The following ATCAY variants were observed in gnomAD, a reference collection of about 807,000 sequenced individuals.
ATCAY encodes caytaxin.
Under a neutral mutation model 47.7 loss-of-function variants are expected in ATCAY, and 22 were observed. The observed-to-expected ratio is 0.46, with a 90% CI of 0.33 to 0.66. ATCAY has a LOEUF of 0.66. Ranked by LOEUF, ATCAY falls within the 30% of genes least tolerant of loss-of-function variation. The pLI is 0.02. For synonymous variants in ATCAY, 216 were observed against 207.6 expected, an observed-to-expected ratio of 1.04 and a Z score of -0.35; for missense variants, 452 against 515.0, an observed-to-expected ratio of 0.88 and a Z score of 1.18.
At chr19:3,921,902 AAAAAAAC>A (rs1161878458) in intron 12 of ATCAY, among the ~76,000 whole-genome samples, 9 of 147,860 alleles carry the variant, frequency 6.1e-5, no homozygotes, top group South Asian at 4.2e-4. Context: ...GTTTAAAAAA[AAAAAAAC>A]AAAAAAACAA....
intron 8 of ATCAY, among the ~76,000 whole-genome samples, chr19:3,912,615 C>A (rs2038933216): frequency 6.6e-6 from 1 of 152,054 alleles, no homozygotes; most frequent in African/African-American, 2.4e-5. Flanking sequence ...TGTGGTGACC[C>A]AGGCTTGTAA....
intron 2 of ATCAY, among the ~76,000 whole-genome samples, chr19:3,892,779 G>T (rs555236373): frequency 6.6e-6 from 1 of 151,916 alleles, no homozygotes; most frequent in Non-Finnish European, 1.5e-5. Context: ...GTGGTGGCGG[G>T]CACCTGTAAT....
chr19:3,921,667 G>T (rs1378772132), intron 12 of ATCAY, among the ~76,000 whole-genome samples: 1 of 152,090 alleles, frequency 6.6e-6, no homozygotes, highest in Admixed American at 6.6e-5. Context: ...GGAGGCCGAG[G>T]CAGGTGGATC....
chr19:3,909,383 C>T (rs2038902397), intron 6 of ATCAY, 103 bp from the exon 7 acceptor site: 1 of 1,410,190 alleles, frequency 7.1e-7, no homozygotes, highest in East Asian at 2.3e-5. Flanking sequence ...GTGGGGCTGA[C>T]CCAGCCAGCG....
chr19:3,913,260 C>T lies in ATCAY; in HGVS notation c.867-498C>T, dbSNP rs188083378. 3.3e-5 allele frequency among the ~76,000 whole-genome samples: 5 copies of T among 152,280 alleles called. No homozygotes were observed. The East Asian group carries it at 7.7e-4, about 23-fold the overall frequency. On this transcript the variant is annotated intron_variant, in intron 8 of 12. Transcript: ENST00000450849. ...CCGAGATCACACCACTGCACTCCAG[C>T]CTGGGTGAAGAGCAAGACTCTGTGT...
intron 5 of ATCAY, 100 bp from the exon 6 acceptor site, chr19:3,908,168 T>A (rs2038882290): frequency 8.8e-7 from 1 of 1,131,468 alleles, no homozygotes; most frequent in African/African-American, 1.5e-5. Context: ...AGCCATGCCC[T>A]CCCGAGCGTG....
Position 3,911,270 on chromosome 19 carries a change from G to A in ATCAY, c.866+381G>A, listed in dbSNP as rs561947918. 1.3e-4 allele frequency among the ~76,000 whole-genome samples: 20 copies of A among 152,274 alleles called. No individual in the cohort carries two copies. In the South Asian group the frequency reaches 3.5e-3, roughly 27 times the overall value. ...AGTTTCAGCTACTTGGGAGGCTCAC[G>A]TGGGAGGATGGCTTGAGCCCAGGAG... is the stretch of plus-strand genomic sequence containing the variant. On this transcript the variant is annotated intron_variant, in intron 8 of 12. Transcript: ENST00000450849.
intron 2 of ATCAY, among the ~76,000 whole-genome samples, chr19:3,898,068 C>T (rs577486029): frequency 5.9e-5 from 9 of 152,236 alleles, no homozygotes; most frequent in East Asian, 1.9e-4. Flanking sequence ...TTTTCATCAC[C>T]GTGAGAGGAA....
At chr19:3,896,926 G>A (rs181038900) in intron 2 of ATCAY, among the ~76,000 whole-genome samples, 4 of 152,030 alleles carry the variant, frequency 2.6e-5, no homozygotes, top group East Asian at 1.9e-4. Flanking sequence ...ACAGGCGCCC[G>A]CCACCATGCC....
rs551056395 is a variant in ATCAY at position 3,914,015 on chromosome 19, T to A, written c.965+159T>A. Among the ~76,000 whole-genome samples, 24 of 151,800 alleles carry A rather than the reference T, an allele frequency of 1.6e-4. No individual in the cohort carries two copies. The South Asian group carries it at 4.8e-3, about 30-fold the overall frequency. On this transcript the variant is annotated intron_variant, in intron 9 of 12. Transcript: ENST00000450849. Reference sequence around the variant, plus strand: ...ACTTTGGGAGGCTGAGGCGGGCGGATCACGAGGTCAGGGGATCGAGACCAT... The same window carrying A: ...ACTTTGGGAGGCTGAGGCGGGCGGAACACGAGGTCAGGGGATCGAGACCAT...
At position 3,926,388 on chromosome 19, in the gene ATCAY, G is replaced by A. The variant is rs995853221; in HGVS notation, c.*1796G>A. The A allele has an allele frequency of 1.3e-5, 2 of 152,222 alleles. No homozygotes were observed. The highest frequency in any genetic ancestry group is 4.8e-5 in the African/African-American group (2 of 41,450). 9.4% of individuals were successfully genotyped at this position (152,222 alleles called of 1,614,324 possible). A position where few individuals can be genotyped will look rare whatever the true frequency, so the allele number is the denominator to read the frequency against. On this transcript the variant is annotated 3_prime_UTR_variant, in exon 13 of 13. Transcript: ENST00000450849. ...TCCCTCTAATCCTAAATGTCTTCAT[G>A]TCTATCAGTCTGAGCAGACGGTGAG...
intron 4 of ATCAY, among the ~76,000 whole-genome samples, chr19:3,906,711 C>G (rs554133877): frequency 6.6e-6 from 1 of 152,104 alleles, no homozygotes; most frequent in South Asian, 2.1e-4. Flanking sequence ...AAACTGCCCT[C>G]GATGTATGCA....
At chr19:3,898,470 C>T (rs972880961) in intron 2 of ATCAY, among the ~76,000 whole-genome samples, 2 of 152,236 alleles carry the variant, frequency 1.3e-5, no homozygotes, top group African/African-American at 4.8e-5. Context: ...CAGGCATAAG[C>T]CACCACACTC....
intron 12 of ATCAY, 26 bp downstream of exon 12, chr19:3,920,824 G>A (rs201255831): frequency 6.3e-5 from 102 of 1,612,702 alleles, no homozygotes; most frequent in Middle Eastern, 1.6e-4. Flanking sequence ...AGTGGTCTTC[G>A]TGCTGTTTTC....
chr19:3,908,020 C>A, intron 5 of ATCAY, 101 bp downstream of exon 5: 1 of 1,435,244 alleles, frequency 7.0e-7, no homozygotes, highest in Non-Finnish European at 9.6e-7. Flanking sequence ...GATGTTAAGC[C>A]GTCAACTCGC....
Position 3,902,470 on chromosome 19 carries a change from C to T in ATCAY, c.78-17C>T, listed in dbSNP as rs1387823799. ...TGGTGCCCGGCGACTGATGCCTGTT[C>T]CTGGATGGGTCCGCAGGCCACTCCC... is the stretch of plus-strand genomic sequence containing the variant. On this transcript the variant is annotated splice_polypyrimidine_tract_variant and intron_variant, in intron 2 of 12. Transcript: ENST00000450849. The T allele has an allele frequency of 6.4e-7, 1 of 1,565,584 alleles. No individual in the cohort carries two copies. The highest frequency in any genetic ancestry group is 1.2e-5 in the South Asian group (1 of 84,888).
intron 12 of ATCAY, 75 bp downstream of exon 12, chr19:3,920,873 TAGAAGGAC>T: frequency 6.4e-7 from 1 of 1,556,552 alleles, no homozygotes; most frequent in Non-Finnish European, 8.8e-7. Context: ...CAGGGTTCTC[TAGAAGGAC>T]AGAAAATCAA....
chr19:3,924,539 T>A (rs780657479), intron 12 of ATCAY, 44 bp from the exon 13 acceptor site: 1 of 1,613,368 alleles, frequency 6.2e-7, no homozygotes, highest in South Asian at 1.1e-5. Flanking sequence ...TTTGCACTTT[T>A]AACATTAACA....
At chr19:3,890,685 G>C (rs780002203) in intron 2 of ATCAY, among the ~76,000 whole-genome samples, 1 of 152,176 alleles carries the variant, frequency 6.6e-6, no homozygotes, top group Non-Finnish European at 1.5e-5. Flanking sequence ...CAGCGGGAGC[G>C]GGAGGAGGGT....
Sources: gnomAD v4.1 joint callset for allele counts (sites outside exome capture counted in the v4.1 genomes callset) on GRCh38, gnomAD v4.1.1 for gene constraint, MANE v1.5 for transcripts, NCBI Gene and HGNC (gene_info 2026-07-23, HGNC 2026-07-21) for gene names.